The following SPTA1 variants were observed in gnomAD, a reference collection of about 807,000 sequenced individuals.
SPTA1 encodes the protein spectrin alpha, erythrocytic 1.
A neutral mutation model predicts 324.7 loss-of-function variants in SPTA1; 177 were observed. The observed-to-expected ratio is 0.55, with a 90% CI of 0.48 to 0.62. The LOEUF (loss-of-function observed/expected upper bound fraction) is 0.62, where lower values mean the gene tolerates loss of function less well. SPTA1 is among the 20% of genes least tolerant of loss of function. SPTA1 has a pLI of 0.00. For missense variants in SPTA1, 3,162 were observed against 2,883.6 expected, an observed-to-expected ratio of 1.10 and a Z score of -2.21; for synonymous variants, 1,195 against 1,041.3, an observed-to-expected ratio of 1.15 and a Z score of -2.84.
chr1:158,629,187 CTCTATCTA>C (rs71084281), intron 39 of SPTA1, among the ~76,000 whole-genome samples: 4,771 of 148,190 alleles, frequency 0.032, 91 homozygotes, highest in African/African-American at 0.056. Flanking sequence ...CAAAATATAT[CTCTATCTA>C]TCTATCTATC....
At chr1:158,642,755 C>T in intron 32 of SPTA1, 59 bp downstream of exon 32, 3 of 1,612,778 alleles carry the variant, frequency 1.9e-6, no homozygotes, top group South Asian at 1.1e-5. Context: ...AGGGTGATGA[C>T]TATCCAACCA....
intron 3 of SPTA1, 88 bp downstream of exon 3, chr1:158,683,283 C>T: frequency 3.2e-6 from 5 of 1,585,454 alleles, no homozygotes; most frequent in South Asian, 2.2e-5. Flanking sequence ...ATAAGCCAGC[C>T]ACTCAAGGTT....
intron 33 of SPTA1, among the ~76,000 whole-genome samples, chr1:158,640,885 A>G (rs1014256274): frequency 8.5e-5 from 13 of 152,330 alleles, no homozygotes; most frequent in South Asian, 2.1e-4. Context: ...AGCTGGAGGC[A>G]TCACGCTACC....
At chr1:158,680,330 A>T (rs1654709649) in intron 5 of SPTA1, among the ~76,000 whole-genome samples, 2 of 152,124 alleles carry the variant, frequency 1.3e-5, no homozygotes, top group Admixed American at 6.6e-5. Context: ...TTCACTGCCC[A>T]TTGTGTATTT....
chr1:158,612,367 T>C (rs1196833098), intron 51 of SPTA1: 1 of 222,572 alleles, frequency 4.5e-6, no homozygotes, highest in Non-Finnish European at 9.0e-6. Flanking sequence ...AGATTACTTC[T>C]GGTTGTAATA....
chr1:158,674,136 TG>T (rs913850672), intron 10 of SPTA1, among the ~76,000 whole-genome samples, 192 bp downstream of exon 10: 6 of 152,174 alleles, frequency 3.9e-5, no homozygotes, highest in African/African-American at 1.4e-4. Context: ...AGGGAGGTCC[TG>T]GAACCAATGC....
intron 47 of SPTA1, 76 bp from the exon 48 acceptor site, chr1:158,615,479 T>C: frequency 7.0e-7 from 1 of 1,428,896 alleles, no homozygotes; most frequent in Middle Eastern, 2.1e-4. Context: ...GAAGAGGAGA[T>C]AACAGGCTGA....
intron 39 of SPTA1, 89 bp downstream of exon 39, chr1:158,634,454 G>A (rs1044585290): frequency 6.5e-6 from 10 of 1,536,664 alleles, no homozygotes; most frequent in Non-Finnish European, 8.9e-7. Flanking sequence ...CCAGAAAAAT[G>A]TCCTAATATT....
intron 33 of SPTA1, among the ~76,000 whole-genome samples, chr1:158,640,278 T>C (rs900402806): frequency 2.6e-5 from 4 of 151,176 alleles, no homozygotes; most frequent in Non-Finnish European, 4.4e-5. Context: ...ATAGAAAATG[T>C]AAAACAAGCA....
At position 158,635,971 on chromosome 1, in the gene SPTA1, A is replaced by G. The variant is rs1185960641; in HGVS notation, c.5374T>C (p.Leu1792=). 4 of 1,614,110 alleles carry G rather than the reference A, an allele frequency of 2.5e-6. No homozygotes were observed. Among genetic ancestry groups the G allele is most frequent in the African/African-American group, 1.3e-5 (1 of 75,036 alleles). ...TGTTCAACAAACTGAGCCAGCCGCA[A>G]CTGGATCTCCTCTTGCCCCACAGCA... ...KAAVGQEEIQ[L]RLAQFVEHWE... Residue 1792 remains leucine (L), a synonymous_variant, in exon 38 of 52, where the codon TTG becomes CTG. Transcript: ENST00000643759.
At position 158,677,789 on chromosome 1, in the gene SPTA1, T is replaced by A. The variant is rs370463832; in HGVS notation, c.858A>T (p.Val286=). 1 of 1,613,628 alleles carries A rather than the reference T, an allele frequency of 6.2e-7. No homozygotes were observed. Among genetic ancestry groups the A allele is most frequent in the South Asian group, 1.1e-5 (1 of 91,066 alleles). Residue 286 remains valine, a synonymous_variant, in exon 7 of 52, where the codon GTA becomes GTT. Coordinates refer to ENST00000643759, the MANE Select transcript of SPTA1 (RefSeq NM_003126.4). ...CTTTGCCATAGTCCTCAGAGGTGAG[T>A]ACAGGTTCCTTCTCCTTGATCCACT... ...AIQWIKEKEP[V]LTSEDYGKDL... is the part of the protein sequence containing the mutation.
intron 2 of SPTA1, 112 bp downstream of exon 2, chr1:158,684,992 TAAAC>T: frequency 7.8e-7 from 1 of 1,286,946 alleles, no homozygotes; most frequent in Admixed American, 1.8e-5. Context: ...TTTTTGTTTC[TAAAC>T]GGAATCTAAT....
At chr1:158,651,909 C>CTGTGTG (rs1553231095) in intron 23 of SPTA1, among the ~76,000 whole-genome samples, 6 of 145,020 alleles carry the variant, frequency 4.1e-5, no homozygotes, top group African/African-American at 1.3e-4. Flanking sequence ...CTCTCTCTCT[C>CTGTGTG]TGTGTGTGTG....
intron 27 of SPTA1, among the ~76,000 whole-genome samples, chr1:158,646,247 T>C (rs997712731): frequency 2.7e-5 from 4 of 145,582 alleles, no homozygotes; most frequent in African/African-American, 9.8e-5. Flanking sequence ...AACTATGCAT[T>C]AACTTTAAAG....
At chr1:158,652,945 G>C (rs1283860177) in intron 22 of SPTA1, among the ~76,000 whole-genome samples, 5 of 152,106 alleles carry the variant, frequency 3.3e-5, no homozygotes, top group Non-Finnish European at 5.9e-5. Flanking sequence ...CATGGTAACT[G>C]ACAATTGGAT....
Position 158,651,390 on chromosome 1 carries a change from G to T in SPTA1, c.3454C>A (p.Pro1152Thr), listed in dbSNP as rs751246946. ...DDLLFEGLLT[P>T]EGAQIRQELN... Reference sequence around the variant, plus strand: ...ACCTGCCGGATTTGAGCTCCTTCTGGTGTTAGAAGTCCTTCAAATAGTAGA... The same window carrying T: ...ACCTGCCGGATTTGAGCTCCTTCTGTTGTTAGAAGTCCTTCAAATAGTAGA... The change falls in exon 24 of 52, where the codon CCA becomes ACA. Residue 1152 changes from proline to threonine, a missense_variant. Physicochemically the swap from Pro to Thr is conservative, Grantham distance 38 (BLOSUM62 -1). Transcript: ENST00000643759. The T allele has an allele frequency of 6.2e-7, 1 of 1,613,624 alleles. No homozygotes were observed. The highest frequency in any genetic ancestry group is 1.7e-5 in the Admixed American group (1 of 60,000).
chr1:158,615,054 G>A, intron 48 of SPTA1, 162 bp downstream of exon 48: 1 of 754,912 alleles, frequency 1.3e-6, no homozygotes, highest in Non-Finnish European at 2.2e-6. Flanking sequence ...ATGGATTTCA[G>A]TATAAAGAGA....
rs565401624 is a variant in SPTA1 at position 158,647,766 on chromosome 1, G to A, written c.3715-46C>T. Reference sequence around the variant, plus strand: ...TGATAATCAGCCTAGAGACACACCTGAATCTTAGCAAAAGGAGAATCCTGA... The same window carrying A: ...TGATAATCAGCCTAGAGACACACCTAAATCTTAGCAAAAGGAGAATCCTGA... On this transcript the variant is annotated intron_variant, in intron 26 of 51. Coordinates refer to ENST00000643759, the MANE Select transcript of SPTA1 (RefSeq NM_003126.4). The A allele has an allele frequency of 8.1e-6, 13 of 1,606,520 alleles. No homozygotes were observed. The East Asian group carries it at 2.5e-4, about 30-fold the overall frequency.
At chr1:158,680,838 T>C in intron 4 of SPTA1, 109 bp from the exon 5 acceptor site, 1 of 1,399,408 alleles carries the variant, frequency 7.1e-7, no homozygotes, top group Non-Finnish European at 9.9e-7. Flanking sequence ...ATGGAGATAC[T>C]GGGGGAGACT....
Sources: allele counts gnomAD v4.1 joint callset (sites outside exome capture counted in the v4.1 genomes callset), GRCh38; gene constraint gnomAD v4.1.1; transcripts MANE v1.5; gene names NCBI Gene and HGNC (gene_info 2026-07-23, HGNC 2026-07-21).